Variants in MYZAP observed in about 807,000 individuals in gnomAD.
MYZAP encodes GRINL1A complex locus upstream.
MYZAP carries 66 observed loss-of-function variants against 69.4 expected under a neutral mutation model. The observed-to-expected ratio is 0.95, with a 90% CI of 0.78 to 1.17. MYZAP has a LOEUF of 1.17. Ranked by LOEUF, MYZAP falls within the 50% of genes most tolerant of loss-of-function variation. The pLI, the probability that MYZAP is intolerant of heterozygous loss-of-function variation, is 0.00. For missense variants in MYZAP, 611 were observed against 556.2 expected (o/e 1.10, Z -0.99); for synonymous variants, 256 against 205.9 (o/e 1.24, Z -2.09).
intron 12 of MYZAP, among the ~76,000 whole-genome samples, chr15:57,678,593 C>G (rs138482095): frequency 1.8e-3 from 268 of 152,188 alleles, no homozygotes; most frequent in African/African-American, 6.1e-3. Flanking sequence ...ATAGCCTGAT[C>G]AAGTATATAG....
intron 11 of MYZAP, among the ~76,000 whole-genome samples, chr15:57,672,381 GCTT>G (rs1439854647): frequency 3.9e-5 from 6 of 152,194 alleles, no homozygotes; most frequent in African/African-American, 1.4e-4. Context: ...CTTGCCACAT[GCTT>G]CAAGTTTCAC....
In MYZAP at chr15:57,592,236, C is replaced by T. The variant is rs542609269; in HGVS notation, c.75+127C>T. 2.7e-3 allele frequency: 2,268 copies of T among 852,562 alleles called. 4 individuals carry two copies. The highest frequency in any genetic ancestry group is 3.1e-3 in the Non-Finnish European group (2,017 of 641,138). 52.8% of individuals were successfully genotyped at this position (852,562 alleles called of 1,614,324 possible). A position where few individuals can be genotyped will look rare whatever the true frequency, so the allele number is the denominator to read the frequency against. On this transcript the variant is annotated intron_variant, in intron 1 of 12. Coordinates refer to ENST00000267853, the MANE Select transcript of MYZAP (RefSeq NM_001018100.5). ...CCCCGACGCCCCACCCTGGGCTCAA[C>T]TCCCCGGTCCTGTGCCGGCTCTGGC...
rs74016318 is a variant in MYZAP, at chr15:57,598,705, A to T, written c.76-5564A>T. On this transcript the variant is annotated intron_variant, in intron 1 of 12. Coordinates refer to ENST00000267853, the MANE Select transcript of MYZAP (RefSeq NM_001018100.5). ...TAGAGCCAGTGCTTCTCTATCATGC[A>T]TTTGTAGATTGATAGTTCAGCCCCT... is the stretch of plus-strand genomic sequence containing the variant. Among the ~76,000 whole-genome samples, 786 of 152,294 alleles carry T rather than the reference A, an allele frequency of 5.2e-3. 4 individuals are homozygous for T. Among genetic ancestry groups the T allele is most frequent in the African/African-American group, 0.018 (761 of 41,564 alleles).
intron 12 of MYZAP, among the ~76,000 whole-genome samples, chr15:57,679,378 C>G (rs35427943): frequency 0.013 from 1,739 of 130,056 alleles, 21 homozygotes; most frequent in South Asian, 0.055. Flanking sequence ...GTGTGTGTTT[C>G]TCTCTCTCTC....
intron 5 of MYZAP, among the ~76,000 whole-genome samples, chr15:57,629,428 T>C (rs539377480): frequency 6.6e-6 from 1 of 152,220 alleles, no homozygotes; most frequent in Non-Finnish European, 1.5e-5. Flanking sequence ...TTTTAATCCA[T>C]TTCCATCCAT....
chr15:57,656,248 A>C (rs1421991306), intron 10 of MYZAP, among the ~76,000 whole-genome samples: 1 of 152,138 alleles, frequency 6.6e-6, no homozygotes, highest in Non-Finnish European at 1.5e-5. Context: ...TTTCCCCCTG[A>C]AGTCTATGGG....
At chr15:57,624,789 A>G (rs1290721862) in intron 4 of MYZAP, among the ~76,000 whole-genome samples, 1 of 152,142 alleles carries the variant, frequency 6.6e-6, no homozygotes, top group Non-Finnish European at 1.5e-5. Context: ...ATTGAAACAC[A>G]CTGCTGAACA....
chr15:57,641,426 A>AG (rs2037151208), intron 10 of MYZAP, among the ~76,000 whole-genome samples: 1 of 152,068 alleles, frequency 6.6e-6, no homozygotes, highest in African/African-American at 2.4e-5. Context: ...ACATATGTAT[A>AG]TGTGTGTGTG....
At chr15:57,667,161 C>T (rs1595929280) in intron 11 of MYZAP, among the ~76,000 whole-genome samples, 1 of 152,144 alleles carries the variant, frequency 6.6e-6, no homozygotes, top group African/African-American at 2.4e-5. Context: ...GTCTGTTATG[C>T]ATTCTTGCGA....
intron 5 of MYZAP, among the ~76,000 whole-genome samples, chr15:57,626,508 T>G (rs1351542881): frequency 6.6e-6 from 1 of 152,186 alleles, no homozygotes; most frequent in Admixed American, 6.5e-5. Context: ...TTCAAGTGCT[T>G]CCCATTCTTA....
At chr15:57,610,188 C>T (rs1319494373) in intron 2 of MYZAP, among the ~76,000 whole-genome samples, 1 of 152,192 alleles carries the variant, frequency 6.6e-6, no homozygotes, top group Non-Finnish European at 1.5e-5. Flanking sequence ...GCTGTTTTCT[C>T]TCTAGATCTT....
chr15:57,605,196 G>A (rs1197199918), intron 2 of MYZAP, among the ~76,000 whole-genome samples: 3 of 152,062 alleles, frequency 2.0e-5, no homozygotes, highest in Admixed American at 2.0e-4. Flanking sequence ...AACCAAATCT[G>A]TCATCCATGG....
At position 57,621,678 on chromosome 15, in the gene MYZAP, G is replaced by T. The variant is rs369885749; in HGVS notation, c.389G>T (p.Arg130Leu). The T allele has an allele frequency of 4.7e-5, 76 of 1,613,724 alleles. No individual in the cohort carries two copies. The Middle Eastern group carries it at 6.6e-4, about 14-fold the overall frequency. The change falls in exon 4 of 13, where the codon CGA becomes CTA. Residue 130 changes from arginine to leucine, a missense_variant. Transcript: ENST00000267853. Reference sequence around the variant, plus strand: ...TATGATGAGATGAGACAGAAGATTCGACAGCTCACCCAGGAACTATCAGTA... The same window carrying T: ...TATGATGAGATGAGACAGAAGATTCTACAGCTCACCCAGGAACTATCAGTA... Reference protein sequence around the residue: ...GDYDEMRQKIRQLTQELSVSH... With the variant: ...GDYDEMRQKILQLTQELSVSH...
At chr15:57,624,702 C>G (rs1181494644) in intron 4 of MYZAP, among the ~76,000 whole-genome samples, 3 of 152,240 alleles carry the variant, frequency 2.0e-5, no homozygotes, top group Non-Finnish European at 4.4e-5. Flanking sequence ...GAAACCCTGT[C>G]TCTCTGCCTA....
intron 10 of MYZAP, among the ~76,000 whole-genome samples, chr15:57,649,202 C>T (rs1294226986): frequency 5.3e-5 from 8 of 152,182 alleles, no homozygotes; most frequent in Non-Finnish European, 8.8e-5. Flanking sequence ...CTCCAGGCTT[C>T]TCTAACTAGG....
At chr15:57,599,863 A>T (rs2034305302) in intron 1 of MYZAP, among the ~76,000 whole-genome samples, 1 of 152,212 alleles carries the variant, frequency 6.6e-6, no homozygotes, top group South Asian at 2.1e-4. Context: ...AGTACCTTTT[A>T]GACCTTTAGA....
chr15:57,668,894 A>ATATATATATTTT (rs1252525814), intron 11 of MYZAP, among the ~76,000 whole-genome samples: 2 of 62,608 alleles, frequency 3.2e-5, no homozygotes, highest in African/African-American at 7.9e-5. Flanking sequence ...ATATATATAT[A>ATATATATATTTT]TTTTTTTTTT....
intron 11 of MYZAP, 51 bp from the exon 12 acceptor site, chr15:57,674,917 G>T: frequency 6.7e-7 from 1 of 1,499,010 alleles, no homozygotes. Context: ...ATGCATATTT[G>T]AGGGGGAACA....
chr15:57,609,574 TACTGGAGGTTAGG>T (rs1423851687), intron 2 of MYZAP, among the ~76,000 whole-genome samples: 1 of 152,194 alleles, frequency 6.6e-6, no homozygotes, highest in East Asian at 1.9e-4. Context: ...AATTCCTAGG[TACTGGAGGTTAGG>T]ACTCCAGCAT....
Sources: allele counts gnomAD v4.1 joint callset (sites outside exome capture counted in the v4.1 genomes callset), GRCh38; gene constraint gnomAD v4.1.1; transcripts MANE v1.5; gene names NCBI Gene and HGNC (gene_info 2026-07-23, HGNC 2026-07-21).